SGK1: variants seen among roughly 807,000 people sequenced by gnomAD.
SGK1 encodes serine/threonine-protein kinase Sgk1.
In SGK1, 26 loss-of-function variants were observed where a neutral mutation model predicts 64.2. The ratio of observed to expected loss-of-function variants is 0.40; its 90% CI spans 0.30 to 0.56. The LOEUF (loss-of-function observed/expected upper bound fraction) is 0.56. Ranked by LOEUF, SGK1 falls within the 20% of genes least tolerant of loss-of-function variation. The pLI, the probability that SGK1 is intolerant of heterozygous loss-of-function variation, is 0.38. For synonymous variants in SGK1, 265 were observed against 239.7 expected, an observed-to-expected ratio of 1.11 and a Z score of -0.98; for missense variants, 519 against 645.6, an observed-to-expected ratio of 0.80 and a Z score of 2.12.
At chr6:134,286,965 G>A (rs1378479381) in intron 1 of SGK1, among the ~76,000 whole-genome samples, 2 of 151,988 alleles carry the variant, frequency 1.3e-5, no homozygotes, top group Non-Finnish European at 2.9e-5. Flanking sequence ...ATTTTGTTTT[G>A]TCTCTACAGT....
At chr6:134,305,428 C>G (rs1777521146) in intron 1 of SGK1, among the ~76,000 whole-genome samples, 2 of 149,006 alleles carry the variant, frequency 1.3e-5, no homozygotes, top group South Asian at 4.3e-4. Context: ...CAAAAATTAG[C>G]CCAGCGTGGT....
chr6:134,259,853 A>G (rs1054798712), intron 2 of SGK1: 1 of 152,208 alleles, frequency 6.6e-6, no homozygotes, highest in African/African-American at 2.4e-5. Context: ...ACATCTGGCT[A>G]AAAAGCAAAT....
At chr6:134,288,894 A>G (rs577836229) in intron 1 of SGK1, among the ~76,000 whole-genome samples, 1 of 152,244 alleles carries the variant, frequency 6.6e-6, no homozygotes, top group Non-Finnish European at 1.5e-5. Context: ...AGCATCATTC[A>G]TAATAATCAG....
At chr6:134,228,144 G>A (rs1161445657) in intron 2 of SGK1, among the ~76,000 whole-genome samples, 3 of 151,504 alleles carry the variant, frequency 2.0e-5, no homozygotes, top group East Asian at 3.9e-4. Flanking sequence ...TTGTAGAGAT[G>A]GGTTTTCACC....
intron 1 of SGK1, among the ~76,000 whole-genome samples, chr6:134,301,521 CTT>C (rs1368221940): frequency 7.1e-6 from 1 of 141,210 alleles, no homozygotes; most frequent in Non-Finnish European, 1.5e-5. Context: ...CTTCTCTTCT[CTT>C]TTCTCTTTTC....
At chr6:134,257,115 CTGTT>C (rs1177953545) in intron 2 of SGK1, 1 of 152,380 alleles carries the variant, frequency 6.6e-6, no homozygotes, top group Non-Finnish European at 1.5e-5. Flanking sequence ...GGATGGGAGA[CTGTT>C]TGGGAATACC....
intron 1 of SGK1, among the ~76,000 whole-genome samples, chr6:134,271,876 C>G (rs1422524183): frequency 1.4e-5 from 2 of 147,528 alleles, no homozygotes; most frequent in African/African-American, 2.4e-5. Flanking sequence ...GAGTCTTGCT[C>G]TGTTGCCTAG....
intron 2 of SGK1, among the ~76,000 whole-genome samples, chr6:134,243,472 C>T (rs903095420): frequency 6.6e-6 from 1 of 152,084 alleles, no homozygotes; most frequent in African/African-American, 2.4e-5. Flanking sequence ...TGGGTTCAAG[C>T]GATTCCCCTG....
chr6:134,173,839 A>C, intron 5 of SGK1, 166 bp downstream of exon 5: 1 of 612,660 alleles, frequency 1.6e-6, no homozygotes, highest in Non-Finnish European at 2.8e-6. Context: ...AAATAAAATA[A>C]TACTCTGACT....
At chr6:134,240,263 G>C (rs149993122) in intron 2 of SGK1, among the ~76,000 whole-genome samples, 1,473 of 132,730 alleles carry the variant, frequency 0.011, 25 homozygotes, top group African/African-American at 0.038. Flanking sequence ...CTGCACTCCA[G>C]CCTGGGCGAC....
intron 3 of SGK1, among the ~76,000 whole-genome samples, chr6:134,198,196 C>T (rs1342843070): frequency 6.6e-6 from 1 of 152,142 alleles, no homozygotes; most frequent in African/African-American, 2.4e-5. Flanking sequence ...GATTTTATTA[C>T]TGAGATAGCT....
intron 1 of SGK1, among the ~76,000 whole-genome samples, chr6:134,291,074 C>T (rs1343735284): frequency 2.6e-5 from 4 of 152,116 alleles, no homozygotes; most frequent in African/African-American, 9.7e-5. Context: ...ATTCAGTGAG[C>T]AAACCAGGTC....
chr6:134,282,454 C>T (rs926165187), intron 1 of SGK1, among the ~76,000 whole-genome samples: 6 of 151,994 alleles, frequency 3.9e-5, no homozygotes, highest in Admixed American at 3.9e-4. Flanking sequence ...GAGTTCGAGA[C>T]CAGCCTGGCC....
At chr6:134,309,640 C>T (rs1278899656) in intron 1 of SGK1, among the ~76,000 whole-genome samples, 1 of 152,172 alleles carries the variant, frequency 6.6e-6, no homozygotes, top group Non-Finnish European at 1.5e-5. Flanking sequence ...TCAGTTAAAG[C>T]TCTTCGAAGA....
intron 10 of SGK1, chr6:134,171,941 ATC>A: frequency 1.6e-6 from 1 of 621,988 alleles, no homozygotes; most frequent in Non-Finnish European, 2.8e-6. Flanking sequence ...GGCACTTGAT[ATC>A]TCTTACTTAG....
intron 1 of SGK1, among the ~76,000 whole-genome samples, chr6:134,267,170 A>C (rs1232456365): frequency 1.3e-5 from 2 of 151,556 alleles, no homozygotes; most frequent in Admixed American, 6.6e-5. Context: ...CAACAAAATA[A>C]AATTTTTTTT....
intron 3 of SGK1, among the ~76,000 whole-genome samples, chr6:134,206,963 C>T (rs775319778): frequency 1.1e-4 from 17 of 151,912 alleles, no homozygotes; most frequent in South Asian, 2.1e-4. Flanking sequence ...CGGTGGCTCA[C>T]GCCTGTAATC....
intron 1 of SGK1, among the ~76,000 whole-genome samples, chr6:134,281,853 G>T (rs140853860): frequency 1.3e-5 from 2 of 152,078 alleles, no homozygotes; most frequent in South Asian, 4.2e-4. Flanking sequence ...AGTTGCTCAC[G>T]TGCCTAATAA....
chr6:134,171,347 CGTGTGTGTGTTTGTGTGT>C (rs959527267), intron 11 of SGK1, 169 bp from the exon 12 acceptor site: 2 of 682,132 alleles, frequency 2.9e-6, no homozygotes, highest in Admixed American at 2.8e-5. Context: ...CTTTGCAACC[CGTGTGTGTGTTTGTGTGT>C]GTGTGTGTGG....
Sources: gnomAD v4.1 joint callset for allele counts (sites outside exome capture counted in the v4.1 genomes callset) on GRCh38, gnomAD v4.1.1 for gene constraint, MANE v1.5 for transcripts, NCBI Gene and HGNC (gene_info 2026-07-23, HGNC 2026-07-21) for gene names.